The following CDHR2 variants were observed in gnomAD, a reference collection of about 807,000 sequenced individuals.
CDHR2 encodes cadherin related family member 2.
A neutral mutation model predicts 138.6 loss-of-function variants in CDHR2; 104 were observed. The observed-to-expected ratio is 0.75, with a 90% CI of 0.64 to 0.88. The LOEUF is 0.88. Ranked by LOEUF, CDHR2 falls within the 40% of genes least tolerant of loss-of-function variation. The probability of loss-of-function intolerance (pLI) is 0.00; values close to 1 mark genes in which losing one functional copy is unlikely to be tolerated. For missense variants in CDHR2, 1,624 were observed against 1,727.6 expected, an observed-to-expected ratio of 0.94 and a Z score of 1.06; for synonymous variants, 755 against 742.8, an observed-to-expected ratio of 1.02 and a Z score of -0.27.
In CDHR2 at chr5:176,577,501, G is replaced by A. The variant is rs915219569; in HGVS notation, c.1297G>A (p.Val433Met). ...AVGSASVQVL[V>M]RVSALVDYER... ...GGGCTCAGCCTCCGTTCAGGTGCTG[G>A]TGAGAGTATCCGCGCTGGTGGACTA... is the stretch of plus-strand genomic sequence containing the variant. Residue 433 changes from valine to methionine, a missense_variant, in exon 13 of 32, where the codon GTG becomes ATG. Physicochemically the swap from Val to Met is conservative, Grantham distance 21. Transcript: ENST00000261944. 4.3e-6 allele frequency: 7 copies of A among 1,612,480 alleles called. No homozygotes were observed. In the African/African-American group the frequency reaches 5.3e-5, roughly 12 times the overall value.
intron 8 of CDHR2, 30 bp downstream of exon 8, chr5:176,575,239 G>C (rs1758340557): frequency 6.2e-7 from 1 of 1,614,120 alleles, no homozygotes; most frequent in East Asian, 2.2e-5. Flanking sequence ...GGCGGGCCTA[G>C]GACCCACGGC....
Position 176,574,080 on chromosome 5 carries a change from C to A in CDHR2, c.406-3C>A, listed in dbSNP as rs1483054672. 6.2e-7 allele frequency: 1 copy of A among 1,612,916 alleles called. No homozygotes were observed. Among genetic ancestry groups the A allele is most frequent in the African/African-American group, 1.3e-5 (1 of 74,996 alleles). The stretch of plus-strand genomic sequence containing the variant: ...CTCATAGGTGACGAGTCCCTCCCTG[C>A]AGACCCTGCCCGTGGGCAGTGTGGT... On this transcript the variant is annotated splice_polypyrimidine_tract_variant and splice_region_variant and intron_variant, in intron 6 of 31. Transcript: ENST00000261944.
chr5:176,585,347 G>T (rs1758633595), intron 19 of CDHR2, among the ~76,000 whole-genome samples: 1 of 152,202 alleles, frequency 6.6e-6, no homozygotes, highest in African/African-American at 2.4e-5. Flanking sequence ...ATGTGTGCTT[G>T]TATCCCACTT....
intron 31 of CDHR2, among the ~76,000 whole-genome samples, chr5:176,594,625 G>A (rs1017115464): frequency 3.3e-5 from 5 of 152,216 alleles, no homozygotes; most frequent in African/African-American, 7.2e-5. Context: ...TCTCCACTTG[G>A]GGTCTGTCTT....
At position 176,585,814 on chromosome 5, in the gene CDHR2, G is replaced by A. The variant is rs369679583; in HGVS notation, c.2735-140G>A. On this transcript the variant is annotated intron_variant, in intron 19 of 31. Transcript: ENST00000261944. ...CTGCGGGGCACGGGGTTGAGGCTGCGGGGCACAGGGTTGAGGCTGCGGGGC... is the reference window on the plus strand; with the variant it reads ...CTGCGGGGCACGGGGTTGAGGCTGCAGGGCACAGGGTTGAGGCTGCGGGGC... 1,358 of 672,274 alleles carry A rather than the reference G, an allele frequency of 2.0e-3. 8 individuals carry two copies. The highest frequency in any genetic ancestry group is 0.019 in the East Asian group (716 of 37,632). The allele number at this position is 672,274 out of a possible 1,614,324, so 41.6% of individuals were successfully genotyped here. A position where few individuals can be genotyped will look rare whatever the true frequency, so the allele number is the denominator to read the frequency against.
In CDHR2 at chr5:176,590,285, T is replaced by C. The variant is rs1758810528; in HGVS notation, c.3308T>C (p.Phe1103Ser). ...ARPHSYLDAY[F>S]VFPNGSALTL... ...CCTCACTCCTACCTCGATGCCTACT[T>C]TGTCTTCCCCAATGGGTCAGCCCTG... The change falls in exon 26 of 32, where the codon TTT becomes TCT. Residue 1103 changes from phenylalanine (F) to serine (S), a missense_variant. Phe to Ser is a radical substitution (Grantham distance 155). This residue lies in a region of CDHR2 where 556 missense variants were observed against 565.7 expected (regional missense o/e 0.98). Coordinates refer to ENST00000261944, the MANE Select transcript of CDHR2 (RefSeq NM_017675.6). 6.2e-7 allele frequency: 1 copy of C among 1,614,128 alleles called. No individual in the cohort carries two copies. Among genetic ancestry groups the C allele is most frequent in the Admixed American group, 1.7e-5 (1 of 60,026 alleles).
rs2113317087 is a variant in CDHR2, at chr5:176,584,745, G to A, written c.2464G>A (p.Gly822Ser). Reference protein sequence around the residue: ...SLRGIRVAENGSQHGQVAVVV... With the variant: ...SLRGIRVAENSSQHGQVAVVV... ...CCGGGGCATCCGTGTGGCTGAGAAT[G>A]GCTCACAGCACGGCCAGGTGGCTGT... The change falls in exon 19 of 32, where the codon GGC becomes AGC. Residue 822 changes from glycine (G) to serine (S), a missense_variant. Physicochemically the swap from Gly to Ser is moderately conservative, Grantham distance 56. Coordinates refer to ENST00000261944, the MANE Select transcript of CDHR2 (RefSeq NM_017675.6). 6.2e-7 allele frequency: 1 copy of A among 1,614,222 alleles called. No individual in the cohort carries two copies. Among genetic ancestry groups the A allele is most frequent in the Non-Finnish European group, 8.5e-7 (1 of 1,180,034 alleles).
chr5:176,566,990 A>G, intron 3 of CDHR2: 1 of 456,302 alleles, frequency 2.2e-6, no homozygotes, highest in Non-Finnish European at 4.4e-6. Flanking sequence ...AGATGAAACA[A>G]GAGACACCAA....
chr5:176,578,622 TG>T lies in CDHR2; in HGVS notation c.1818+16del. The T allele has an allele frequency of 6.2e-7, 1 of 1,606,406 alleles. No homozygotes were observed. The highest frequency in any genetic ancestry group is 8.5e-7 in the Non-Finnish European group (1 of 1,179,848). On this transcript the variant is annotated intron_variant, in intron 16 of 31. Coordinates refer to ENST00000261944, the MANE Select transcript of CDHR2 (RefSeq NM_017675.6). ...GTGACCATCCAGGTGTGAGCCTGCC[TG>T]GACCTGGTGGGTAAGGCTGGGGGAG...
intron 1 of CDHR2, among the ~76,000 whole-genome samples, chr5:176,564,948 G>A (rs575617301): frequency 6.6e-6 from 1 of 152,248 alleles, no homozygotes; most frequent in East Asian, 1.9e-4. Context: ...AATGAACTCT[G>A]GACTCCAAAA....
At chr5:176,577,964 C>T (rs1436991542) in intron 14 of CDHR2, 70 bp from the exon 15 acceptor site, 2 of 1,524,128 alleles carry the variant, frequency 1.3e-6, no homozygotes, top group Non-Finnish European at 1.8e-6. Flanking sequence ...AGCTCTGTCC[C>T]CACGAGCTGC....
Position 176,575,432 on chromosome 5 carries a change from C to A in CDHR2, c.768+6C>A, listed in dbSNP as rs375152272. On this transcript the variant is annotated splice_donor_region_variant and intron_variant, in intron 9 of 31. Coordinates refer to ENST00000261944, the MANE Select transcript of CDHR2 (RefSeq NM_017675.6). Reference sequence around the variant, plus strand: ...TGGCTGAGGATGCAGCCAAGGTGCACGGGGGACCTGTGGGGTGTGGGTGGA... The same window carrying A: ...TGGCTGAGGATGCAGCCAAGGTGCAAGGGGGACCTGTGGGGTGTGGGTGGA... 6.2e-7 allele frequency: 1 copy of A among 1,614,124 alleles called. No homozygotes were observed. The highest frequency in any genetic ancestry group is 8.5e-7 in the Non-Finnish European group (1 of 1,180,022).
intron 1 of CDHR2, among the ~76,000 whole-genome samples, chr5:176,563,240 C>T (rs556414076): frequency 2.6e-4 from 40 of 152,140 alleles, no homozygotes; most frequent in South Asian, 8.3e-4. Flanking sequence ...CCCAGCTACT[C>T]GGGAGGCTGA....
intron 17 of CDHR2, 40 bp from the exon 18 acceptor site, chr5:176,584,150 A>G (rs755731213): frequency 1.3e-6 from 2 of 1,568,478 alleles, no homozygotes; most frequent in Admixed American, 3.3e-5. Context: ...GGGGAGGGTG[A>G]GATTGGATCC....
chr5:176,592,683 T>C (rs1402488514), intron 30 of CDHR2, 40 bp from the exon 31 acceptor site: 2 of 1,595,276 alleles, frequency 1.3e-6, no homozygotes, highest in Non-Finnish European at 1.7e-6. Context: ...AAGGGAGGAC[T>C]GGGCCTGCCA....
intron 2 of CDHR2, 101 bp from the exon 3 acceptor site, chr5:176,565,571 G>A: frequency 7.9e-7 from 1 of 1,260,506 alleles, no homozygotes; most frequent in Non-Finnish European, 1.1e-6. Context: ...TGGACGGGTG[G>A]CCTGGGTGGC....
upstream of CDHR2, among the ~76,000 whole-genome samples, chr5:176,546,155 C>T (rs1337866390): frequency 2.0e-5 from 3 of 152,176 alleles, no homozygotes; most frequent in East Asian, 1.9e-4. Context: ...AAGCCACCAG[C>T]GATGACTAGT....
Position 176,575,743 on chromosome 5 carries a change from G to T in CDHR2, c.864G>T (p.Trp288Cys). ...TGCCAGACTCCACGCGGCCCGGCTG[G>T]TTTGACATCGGGGCAGATGGGGTGA... ...YSISYSTRPG[W>C]FDIGADGVIR... is the part of the protein sequence containing the mutation. The change falls in exon 11 of 32, where the codon TGG becomes TGT. Residue 288 changes from tryptophan to cysteine, a missense_variant. Physicochemically the swap from Trp to Cys is radical, Grantham distance 215. This residue lies in a region of CDHR2 where 1,061 missense variants were observed against 1,136.6 expected (regional missense o/e 0.93). Coordinates refer to ENST00000261944, the MANE Select transcript of CDHR2 (RefSeq NM_017675.6). 3 of 1,572,590 alleles carry T rather than the reference G, an allele frequency of 1.9e-6. No individual in the cohort carries two copies. The highest frequency in any genetic ancestry group is 2.6e-6 in the Non-Finnish European group (3 of 1,158,266).
At chr5:176,564,162 T>C (rs563744258) in intron 1 of CDHR2, among the ~76,000 whole-genome samples, 1 of 152,254 alleles carries the variant, frequency 6.6e-6, no homozygotes, top group African/African-American at 2.4e-5. Context: ...CTGCTTTCTG[T>C]GGAGTGACAC....
Sources: gnomAD v4.1 joint callset for allele counts (sites outside exome capture counted in the v4.1 genomes callset) on GRCh38, gnomAD v4.1.1 for gene constraint, gnomAD v4.1.1 regional missense constraint, MANE v1.5 for transcripts, NCBI Gene and HGNC (gene_info 2026-07-23, HGNC 2026-07-21) for gene names.